DENND1A: variants seen among roughly 807,000 people sequenced by gnomAD.
DENND1A encodes DENN domain containing 1A.
A neutral mutation model predicts 113.7 loss-of-function variants in DENND1A; 51 were observed. The ratio of observed to expected loss-of-function variants is 0.45; its 90% confidence interval spans 0.36 to 0.57. DENND1A has a LOEUF of 0.57. Among genes scored for constraint, DENND1A ranks in the 20% least tolerant of loss-of-function variants. The probability of loss-of-function intolerance (pLI) is 0.00; values close to 1 mark genes in which losing one functional copy is unlikely to be tolerated. For missense variants in DENND1A, 1,258 were observed against 1,395.9 expected (o/e 0.90, Z 1.57); for synonymous variants, 565 against 570.8 (o/e 0.99, Z 0.14).
rs1047209560 is a variant in DENND1A at position 123,639,514 on chromosome 9, C to T, written c.619-9038G>A. On this transcript the variant is annotated intron_variant, in intron 9 of 23. Coordinates refer to ENST00000394215, the MANE Select transcript of DENND1A (RefSeq NM_001352964.2). Reference sequence around the variant, plus strand: ...TCAAGCTATAAAACAGCCACACTCACGCCTGTAATCCCCAGCACTTTGGGA... The same window carrying T: ...TCAAGCTATAAAACAGCCACACTCATGCCTGTAATCCCCAGCACTTTGGGA... Among the ~76,000 whole-genome samples, 12 of 148,062 alleles carry T rather than the reference C, an allele frequency of 8.1e-5. No individual in the cohort carries two copies. The East Asian group carries it at 9.9e-4, about 12-fold the overall frequency.
rs749579939 is a variant in DENND1A at position 123,381,452 on chromosome 9, G to A, written c.3193C>T (p.Gln1065Ter). 1.1e-5 allele frequency: 18 copies of A among 1,613,138 alleles called. No individual in the cohort carries two copies. The highest frequency in any genetic ancestry group is 1.5e-5 in the Non-Finnish European group (18 of 1,179,950). ...APDSVEQLRK[Q>*]WETFE The stretch of plus-strand genomic sequence containing the variant: ...CCGGCTCACTCGAAGGTCTCCCACT[G>A]CTTCCTGAGCTGCTCCACCGAGTCT... Residue 1065 changes from glutamine to a stop codon, truncating the protein, a stop_gained, in exon 24 of 24, where the codon CAG becomes TAG. Transcript: ENST00000394215. LOFTEE classifies it high-confidence loss of function. The surrounding 1 kb of genome is among the most constrained non-coding windows in gnomAD (Gnocchi z 4.7).
At chr9:123,900,022 C>T (rs755014665) in intron 1 of DENND1A, among the ~76,000 whole-genome samples, 2 of 152,206 alleles carry the variant, frequency 1.3e-5, no homozygotes, top group South Asian at 2.1e-4. Context: ...TAAACCAGCA[C>T]GTTCTGGATT....
intron 10 of DENND1A, among the ~76,000 whole-genome samples, chr9:123,611,687 T>C (rs1382717074): frequency 6.6e-6 from 1 of 152,206 alleles, no homozygotes; most frequent in Admixed American, 6.5e-5. Context: ...TAACCAGAAT[T>C]GTAGAACTGA....
At chr9:123,678,793 C>G (rs1421680958) in intron 5 of DENND1A, among the ~76,000 whole-genome samples, 1 of 152,248 alleles carries the variant, frequency 6.6e-6, no homozygotes. Flanking sequence ...GCCCTGGCAG[C>G]TGCATATTGA....
chr9:123,847,525 G>T (rs927803327), intron 2 of DENND1A, among the ~76,000 whole-genome samples: 4 of 152,168 alleles, frequency 2.6e-5, no homozygotes, highest in African/African-American at 9.7e-5. Flanking sequence ...TATGAGGTTA[G>T]AATAAGGACA....
chr9:123,495,628 T>G (rs1270157700), intron 13 of DENND1A, among the ~76,000 whole-genome samples: 1 of 152,220 alleles, frequency 6.6e-6, no homozygotes, highest in Non-Finnish European at 1.5e-5. Context: ...AAGTGATTTC[T>G]CAATTCCTTT....
intron 12 of DENND1A, among the ~76,000 whole-genome samples, chr9:123,559,919 T>C (rs2057641683): frequency 6.6e-6 from 1 of 152,242 alleles, no homozygotes; most frequent in Non-Finnish European, 1.5e-5. Context: ...ACATTTCATA[T>C]AAATGGAATT....
intron 13 of DENND1A, among the ~76,000 whole-genome samples, chr9:123,549,188 A>G (rs2135821240): frequency 6.6e-6 from 1 of 152,066 alleles, no homozygotes; most frequent in African/African-American, 2.4e-5. Context: ...AGAGCCTCAC[A>G]CAGACACACA....
intron 13 of DENND1A, among the ~76,000 whole-genome samples, chr9:123,516,081 T>C (rs1241259786): frequency 7.2e-6 from 1 of 139,782 alleles, no homozygotes; most frequent in Non-Finnish European, 1.5e-5. Flanking sequence ...CTCAATTATA[T>C]ATATATAGAT....
intron 13 of DENND1A, among the ~76,000 whole-genome samples, chr9:123,514,125 T>G (rs1283406455): frequency 1.4e-5 from 2 of 147,742 alleles, no homozygotes; most frequent in Non-Finnish European, 3.0e-5. Flanking sequence ...TGTGTGTCCA[T>G]GACACCCAGC....
intron 13 of DENND1A, among the ~76,000 whole-genome samples, chr9:123,517,205 A>G (rs1490455717): frequency 6.7e-6 from 1 of 149,484 alleles, no homozygotes; most frequent in Non-Finnish European, 1.5e-5. Context: ...GTGAGCCGAG[A>G]TCGCACCACT....
At chr9:123,753,963 T>C (rs1033461636) in intron 5 of DENND1A, among the ~76,000 whole-genome samples, 7 of 152,068 alleles carry the variant, frequency 4.6e-5, no homozygotes, top group African/African-American at 1.7e-4. Context: ...GCATAGAAGT[T>C]TGGAATGTCA....
chr9:123,621,935 T>A (rs918985306), intron 10 of DENND1A, among the ~76,000 whole-genome samples: 1 of 152,162 alleles, frequency 6.6e-6, no homozygotes, highest in African/African-American at 2.4e-5. Context: ...ATGGAATATG[T>A]GATGCACCAT....
At chr9:123,408,527 C>G (rs1016866594) in intron 20 of DENND1A, among the ~76,000 whole-genome samples, 1 of 152,168 alleles carries the variant, frequency 6.6e-6, no homozygotes, top group Non-Finnish European at 1.5e-5. Context: ...AGGTGAGGAT[C>G]CTGCCTAAGG....
rs180899443 is a variant in DENND1A at position 123,883,678 on chromosome 9, A to C, written c.18-4657T>G. On this transcript the variant is annotated intron_variant, in intron 1 of 23. Coordinates refer to ENST00000394215, the MANE Select transcript of DENND1A (RefSeq NM_001352964.2). ...TCCATTATTTCAATAGTGCGTTTGC[A>C]ATAAAAGATAAATTTCAAAGAAAAA... Among the ~76,000 whole-genome samples, 25 of 152,332 alleles carry C rather than the reference A, an allele frequency of 1.6e-4. No individual in the cohort carries two copies. The East Asian group carries it at 4.2e-3, about 26-fold the overall frequency.
intron 4 of DENND1A, among the ~76,000 whole-genome samples, chr9:123,760,217 A>C (rs1775606013): frequency 6.6e-6 from 1 of 152,222 alleles, no homozygotes; most frequent in Non-Finnish European, 1.5e-5. Context: ...TGGTTTACCA[A>C]GCTTTTTCCA....
At position 123,401,642 on chromosome 9, in the gene DENND1A, A is replaced by G; in HGVS notation, c.1631+1760T>C. The G allele has an allele frequency of 1.4e-5, 20 of 1,447,760 alleles. No homozygotes were observed. The South Asian group carries it at 3.0e-4, about 22-fold the overall frequency. 89.7% of individuals were successfully genotyped at this position (1,447,760 alleles called of 1,614,324 possible). ...CCCAAATATTTTCCAACAGAAGTAG[A>G]AAACAGGGCATATTAAACAAACAAC... is the stretch of plus-strand genomic sequence containing the variant. On this transcript the variant is annotated intron_variant, in intron 21 of 23. Coordinates refer to ENST00000394215, the MANE Select transcript of DENND1A (RefSeq NM_001352964.2).
chr9:123,808,715 T>A (rs1396018483), intron 2 of DENND1A, among the ~76,000 whole-genome samples: 1 of 152,104 alleles, frequency 6.6e-6, no homozygotes, highest in East Asian at 1.9e-4. Flanking sequence ...TATACAGACT[T>A]GATAAAAAAA....
chr9:123,574,653 C>T (rs951436690), intron 12 of DENND1A, among the ~76,000 whole-genome samples: 1 of 152,184 alleles, frequency 6.6e-6, no homozygotes, highest in Non-Finnish European at 1.5e-5. Context: ...AGAATGCAGT[C>T]ATGGGTTCTT....
Sources: allele counts gnomAD v4.1 joint callset (sites outside exome capture counted in the v4.1 genomes callset), GRCh38; gene constraint gnomAD v4.1.1; non-coding constraint Gnocchi (gnomAD v3.1); transcripts MANE v1.5; gene names NCBI Gene and HGNC (gene_info 2026-07-23, HGNC 2026-07-21).